The following RBFOX2 variants were observed in gnomAD, a reference collection of about 807,000 sequenced individuals.
The protein encoded by RBFOX2 is RNA binding protein fox-1 homolog 2.
Under a neutral mutation model 49.1 loss-of-function variants are expected in RBFOX2, and 10 were observed. The ratio of observed to expected loss-of-function variants is 0.20; its 90% CI spans 0.13 to 0.35. RBFOX2 has a LOEUF of 0.35. RBFOX2 is among the 10% of genes least tolerant of loss of function. RBFOX2 has a pLI of 1.00. For synonymous variants in RBFOX2, 183 were observed against 187.4 expected (o/e 0.98, Z 0.19); for missense variants, 323 against 486.9 (o/e 0.66, Z 3.17).
intron 1 of RBFOX2, chr22:35,999,461 G>T (rs1569521229): frequency 1.3e-5 from 2 of 151,994 alleles, no homozygotes; most frequent in African/African-American, 4.8e-5. Flanking sequence ...GGAGGCTGAA[G>T]TGGGAGGATC....
intron 1 of RBFOX2, among the ~76,000 whole-genome samples, chr22:35,817,755 G>C (rs1373991827): frequency 6.6e-6 from 1 of 152,012 alleles, no homozygotes; most frequent in Non-Finnish European, 1.5e-5. Context: ...TTGGAATTCA[G>C]GAACACGACC....
At chr22:35,917,527 T>C (rs1201148720) in intron 1 of RBFOX2, among the ~76,000 whole-genome samples, 1 of 152,198 alleles carries the variant, frequency 6.6e-6, no homozygotes, top group East Asian at 1.9e-4. Context: ...TGATCAAACA[T>C]TTTCAGGCAG....
chr22:35,840,635 T>G (rs942741282), upstream of RBFOX2: 2 of 928,630 alleles, frequency 2.2e-6, no homozygotes, highest in East Asian at 8.0e-5. Context: ...TGTGTGCGTG[T>G]GTGTGTGTGT....
chr22:35,873,108 T>C (rs767197276), intron 1 of RBFOX2, among the ~76,000 whole-genome samples: 5 of 152,198 alleles, frequency 3.3e-5, no homozygotes, highest in Non-Finnish European at 7.4e-5. Flanking sequence ...AGAAACAGCT[T>C]TAAACTGCAA....
At chr22:35,765,385 C>T in intron 6 of RBFOX2, 38 bp downstream of exon 7, 1 of 1,390,974 alleles carries the variant, frequency 7.2e-7, no homozygotes, top group South Asian at 1.3e-5. Context: ...TATATTTACA[C>T]AAGAATAAAC....
chr22:35,822,783 T>C (rs796676687), intron 1 of RBFOX2: 2 of 422,848 alleles, frequency 4.7e-6, no homozygotes, highest in Admixed American at 3.1e-5. Context: ...TCAACTTCTT[T>C]GGAGACAAAC....
intron 1 of RBFOX2, among the ~76,000 whole-genome samples, chr22:35,825,570 T>C (rs1413198185): frequency 6.6e-6 from 1 of 152,264 alleles, no homozygotes; most frequent in Non-Finnish European, 1.5e-5. Context: ...ATTTAGGCTC[T>C]GCAATGAATG....
At chr22:35,967,031 A>G (rs1603459579) in intron 1 of RBFOX2, among the ~76,000 whole-genome samples, 1 of 152,004 alleles carries the variant, frequency 6.6e-6, no homozygotes, top group African/African-American at 2.4e-5. Context: ...GTTGTTGCCC[A>G]GGCTGATCTT....
chr22:35,840,346 A>G (rs1958521326), exon 1 of RBFOX2: 1 of 1,561,126 alleles, frequency 6.4e-7, no homozygotes, highest in Non-Finnish European at 8.6e-7. Context: ...CTCTCTTTAT[A>G]CCGTTTTCCT....
At chr22:35,739,687 A>G (rs1055712867) in exon 12 of RBFOX2, 1 of 152,480 alleles carries the variant, frequency 6.6e-6, no homozygotes, top group African/African-American at 2.4e-5. Context: ...AAATTCAGAA[A>G]CTCATGTACC....
intron 1 of RBFOX2, among the ~76,000 whole-genome samples, chr22:36,010,734 CA>C (rs1458186335): frequency 7.7e-4 from 8 of 10,348 alleles, no homozygotes; most frequent in African/African-American, 3.6e-3. Context: ...CTGTTCAGTA[CA>C]CACACACACA....
intron 1 of RBFOX2, among the ~76,000 whole-genome samples, chr22:35,916,318 G>C (rs1413446377): frequency 6.6e-6 from 1 of 152,176 alleles, no homozygotes; most frequent in Non-Finnish European, 1.5e-5. Flanking sequence ...GTCTCACTCT[G>C]TTGCTCAGGC....
intron 2 of RBFOX2, among the ~76,000 whole-genome samples, chr22:35,800,455 C>T (rs2147854027): frequency 6.6e-6 from 1 of 152,338 alleles, no homozygotes; most frequent in African/African-American, 2.4e-5. Context: ...TTATTTCCCA[C>T]TAGTCTCTGC....
chr22:35,995,930 A>G (rs968740421), intron 1 of RBFOX2: 7 of 152,240 alleles, frequency 4.6e-5, no homozygotes, highest in African/African-American at 1.7e-4. Context: ...TCAGACGATT[A>G]TGGAAAAAAG....
chr22:35,833,051 C>T (rs1957079767), intron 1 of RBFOX2, among the ~76,000 whole-genome samples: 1 of 151,846 alleles, frequency 6.6e-6, no homozygotes, highest in Non-Finnish European at 1.5e-5. Context: ...TCATATGTAC[C>T]CCATAAATAT....
intron 1 of RBFOX2, among the ~76,000 whole-genome samples, chr22:35,930,017 C>CTTT (rs58976136): frequency 3.0e-4 from 37 of 121,314 alleles, no homozygotes; most frequent in East Asian, 4.4e-4. Flanking sequence ...CTTAATAGAA[C>CTTT]TTTTTTTTTT....
intron 4 of RBFOX2, among the ~76,000 whole-genome samples, chr22:35,773,560 A>G (rs924897999): frequency 1.3e-5 from 2 of 152,082 alleles, no homozygotes; most frequent in African/African-American, 4.8e-5. Flanking sequence ...ATATCTATCA[A>G]TTTTTAAAAA....
intron 1 of RBFOX2, among the ~76,000 whole-genome samples, chr22:35,947,124 A>C (rs1437487457): frequency 2.6e-5 from 4 of 152,124 alleles, no homozygotes; most frequent in Non-Finnish European, 5.9e-5. Context: ...CCCAGGAAGC[A>C]GAGGCTGCAG....
At chr22:35,781,319 T>C (rs1477205086) in intron 3 of RBFOX2, among the ~76,000 whole-genome samples, 1 of 152,188 alleles carries the variant, frequency 6.6e-6, no homozygotes, top group Non-Finnish European at 1.5e-5. Flanking sequence ...AGGGTGACCA[T>C]CCTGGTTTCA....
Sources: gnomAD v4.1 joint callset for allele counts (sites outside exome capture counted in the v4.1 genomes callset) on GRCh38, gnomAD v4.1.1 for gene constraint, MANE v1.5 for transcripts, NCBI Gene and HGNC (gene_info 2026-07-23, HGNC 2026-07-21) for gene names.